TASP1: variants seen among roughly 807,000 people sequenced by gnomAD.
The protein encoded by TASP1 is threonine aspartase 1.
TASP1 carries 16 observed loss-of-function variants against 56.6 expected under a neutral mutation model. The ratio of observed to expected loss-of-function variants is 0.28; its 90% CI spans 0.19 to 0.43. The LOEUF (loss-of-function observed/expected upper bound fraction) is 0.43, where lower values mean the gene tolerates loss of function less well. Ranked by LOEUF, TASP1 falls within the 20% of genes least tolerant of loss-of-function variation. TASP1 has a pLI of 1.00. For missense variants in TASP1, 393 were observed against 511.6 expected, an observed-to-expected ratio of 0.77 and a Z score of 2.24; for synonymous variants, 179 against 184.2, an observed-to-expected ratio of 0.97 and a Z score of 0.23.
the TASP1 span, among the ~76,000 whole-genome samples, chr20:13,350,292 T>C: frequency 6.6e-6 from 1 of 152,194 alleles, no homozygotes; most frequent in African/African-American, 2.4e-5. Context: ...CTCAACAATA[T>C]TAAGGTGTTA....
chr20:13,184,432 A>G, the TASP1 span, among the ~76,000 whole-genome samples: 2 of 152,210 alleles, frequency 1.3e-5, no homozygotes, highest in Admixed American at 1.3e-4. Context: ...ATAAGCTATA[A>G]ATAATACTAT....
the TASP1 span, among the ~76,000 whole-genome samples, chr20:13,340,848 T>C: frequency 6.6e-6 from 1 of 152,226 alleles, no homozygotes; most frequent in African/African-American, 2.4e-5. Context: ...ATACATTATA[T>C]TCTCATGGCA....
chr20:13,388,853 A>G (rs2041183177), downstream of TASP1, among the ~76,000 whole-genome samples: 3 of 152,214 alleles, frequency 2.0e-5, no homozygotes, highest in South Asian at 4.1e-4. Context: ...ATTCATATTT[A>G]CACCCACTAT....
chr20:13,485,104 A>G (rs1391187032), intron 10 of TASP1, among the ~76,000 whole-genome samples: 1 of 152,208 alleles, frequency 6.6e-6, no homozygotes, highest in Non-Finnish European at 1.5e-5. Flanking sequence ...CGTTCTGCAC[A>G]TGTATCCCAA....
intron 10 of TASP1, among the ~76,000 whole-genome samples, chr20:13,521,522 T>C (rs994200595): frequency 6.6e-6 from 1 of 151,236 alleles, no homozygotes; most frequent in Admixed American, 6.7e-5. Flanking sequence ...CTCAGCAAAC[T>C]ATCGCAAGGA....
chr20:13,351,322 C>T, the TASP1 span, among the ~76,000 whole-genome samples: 4 of 152,322 alleles, frequency 2.6e-5, no homozygotes, highest in Non-Finnish European at 5.9e-5. Flanking sequence ...AACCCCATCC[C>T]TGGATATTTA....
the TASP1 span, among the ~76,000 whole-genome samples, chr20:13,374,100 T>C: frequency 6.6e-6 from 1 of 152,230 alleles, no homozygotes; most frequent in Non-Finnish European, 1.5e-5. Flanking sequence ...TATTTTTATG[T>C]CTATCTCTTT....
chr20:13,612,753 A>G (rs1268245029), intron 4 of TASP1, among the ~76,000 whole-genome samples: 2 of 152,164 alleles, frequency 1.3e-5, no homozygotes, highest in Non-Finnish European at 2.9e-5. Flanking sequence ...ATAAGTATTA[A>G]ATTTTGAAGA....
the TASP1 span, among the ~76,000 whole-genome samples, chr20:13,371,633 TAC>T: frequency 6.6e-6 from 1 of 152,182 alleles, no homozygotes; most frequent in South Asian, 2.1e-4. Flanking sequence ...TGTTATTGGG[TAC>T]AGTGTTCTAT....
At chr20:13,367,743 T>C in the TASP1 span, among the ~76,000 whole-genome samples, 8 of 152,350 alleles carry the variant, frequency 5.3e-5, no homozygotes, top group South Asian at 6.2e-4. Flanking sequence ...AGAGCACTCA[T>C]TAGAATCCTT....
chr20:13,548,408 G>A (rs1181636326), intron 8 of TASP1, among the ~76,000 whole-genome samples: 3 of 152,026 alleles, frequency 2.0e-5, no homozygotes, highest in Admixed American at 2.0e-4. Flanking sequence ...TAATAGGCAG[G>A]AGAAAACAGG....
chr20:13,437,468 T>A (rs1600793075), intron 11 of TASP1, among the ~76,000 whole-genome samples: 1 of 152,330 alleles, frequency 6.6e-6, no homozygotes, highest in East Asian at 1.9e-4. Context: ...ATGCCCTCTC[T>A]CACCACTTCT....
chr20:13,377,513 G>C, the TASP1 span, among the ~76,000 whole-genome samples: 1 of 152,206 alleles, frequency 6.6e-6, no homozygotes, highest in Non-Finnish European at 1.5e-5. Context: ...GTGTTCATCA[G>C]GGATATTGGA....
chr20:13,178,921 T>C, the TASP1 span, among the ~76,000 whole-genome samples: 1 of 152,088 alleles, frequency 6.6e-6, no homozygotes, highest in Non-Finnish European at 1.5e-5. Flanking sequence ...AGAAGGAGGA[T>C]TCTGAATGTC....
At chr20:13,249,827 TTTG>T in the TASP1 span, among the ~76,000 whole-genome samples, 19 of 138,446 alleles carry the variant, frequency 1.4e-4, no homozygotes, top group Admixed American at 5.8e-4. Flanking sequence ...TTTGTTTTGT[TTTG>T]TTTTGTTTCC....
chr20:13,138,073 C>T, the TASP1 span, among the ~76,000 whole-genome samples: 4 of 152,284 alleles, frequency 2.6e-5, no homozygotes, highest in South Asian at 2.1e-4. Context: ...AATATTGTCC[C>T]CTTTCCTGTG....
At chr20:13,312,027 CATAA>C in the TASP1 span, among the ~76,000 whole-genome samples, 1 of 151,784 alleles carries the variant, frequency 6.6e-6, no homozygotes, top group Non-Finnish European at 1.5e-5. Flanking sequence ...CATTGTACAC[CATAA>C]ATATAGACAA....
intron 13 of TASP1, chr20:13,392,688 A>AAGATTT: frequency 1.9e-6 from 1 of 527,606 alleles, no homozygotes; most frequent in Admixed American, 2.1e-5. Flanking sequence ...GTGAAGGTGA[A>AAGATTT]GGCCAAAGTA....
At chr20:13,371,434 G>A in the TASP1 span, among the ~76,000 whole-genome samples, 2 of 151,936 alleles carry the variant, frequency 1.3e-5, no homozygotes, top group East Asian at 1.9e-4. Context: ...TTAGTAGTGC[G>A]CTGTTAAATT....
Sources: allele counts gnomAD v4.1 joint callset (sites outside exome capture counted in the v4.1 genomes callset), GRCh38; gene constraint gnomAD v4.1.1; transcripts MANE v1.5; gene names NCBI Gene and HGNC (gene_info 2026-07-23, HGNC 2026-07-21).